Variants in RIT2 observed in about 807,000 individuals in gnomAD.
The protein encoded by RIT2 is Ras like without CAAX 2, also known as GTP-binding protein Rit2.
A neutral mutation model predicts 23.7 loss-of-function variants in RIT2; 24 were observed. The observed-to-expected ratio is 1.01, with a 90% CI of 0.73 to 1.43. The LOEUF is 1.43. RIT2 is among the 40% of genes most tolerant of loss of function. The pLI, the probability that RIT2 is intolerant of heterozygous loss-of-function variation, is 0.00. For missense variants in RIT2, 236 were observed against 266.9 expected (o/e 0.88, Z 0.81); for synonymous variants, 107 against 91.1 (o/e 1.17, Z -0.99).
At chr18:42,800,294 TA>T (rs1206549630) in intron 4 of RIT2, among the ~76,000 whole-genome samples, 5 of 152,192 alleles carry the variant, frequency 3.3e-5, no homozygotes, top group Non-Finnish European at 5.9e-5. Context: ...TGTTATTTTT[TA>T]AGATGATATT....
At chr18:42,806,446 G>A (rs1352252659) in intron 4 of RIT2, among the ~76,000 whole-genome samples, 1 of 151,966 alleles carries the variant, frequency 6.6e-6, no homozygotes, top group Non-Finnish European at 1.5e-5. Context: ...TCCACCCTGG[G>A]CAACAAGAGT....
At chr18:42,880,402 G>A (rs1907856566) in intron 4 of RIT2, among the ~76,000 whole-genome samples, 2 of 152,062 alleles carry the variant, frequency 1.3e-5, no homozygotes, top group South Asian at 4.2e-4. Context: ...CTTTAATGGG[G>A]TTTCAAGAGA....
At chr18:42,955,671 A>G (rs373078150) in intron 3 of RIT2, among the ~76,000 whole-genome samples, 15 of 152,218 alleles carry the variant, frequency 9.9e-5, no homozygotes, top group African/African-American at 3.4e-4. Flanking sequence ...CCTGATACTC[A>G]TGATGTTTTT....
At chr18:43,094,830 G>A (rs1391569368) in intron 1 of RIT2, among the ~76,000 whole-genome samples, 1 of 151,978 alleles carries the variant, frequency 6.6e-6, no homozygotes, top group Non-Finnish European at 1.5e-5. Flanking sequence ...CTGTCCTTGT[G>A]ATAGTTTGCT....
intron 3 of RIT2, among the ~76,000 whole-genome samples, chr18:42,939,325 G>T (rs1598723096): frequency 6.6e-6 from 1 of 152,004 alleles, no homozygotes; most frequent in Non-Finnish European, 1.5e-5. Context: ...ACCCCATAAG[G>T]TTGTTGCAAG....
intron 4 of RIT2, among the ~76,000 whole-genome samples, chr18:42,801,666 C>T (rs761075311): frequency 1.3e-5 from 2 of 152,186 alleles, no homozygotes; most frequent in African/African-American, 4.8e-5. Flanking sequence ...TAGAGGAAAT[C>T]ATACCAATAA....
intron 2 of RIT2, among the ~76,000 whole-genome samples, chr18:42,975,519 C>G (rs1321969390): frequency 6.6e-6 from 1 of 151,942 alleles, no homozygotes; most frequent in Non-Finnish European, 1.5e-5. Context: ...CAGCCAGGAC[C>G]AAGGTCAGTG....
intron 4 of RIT2, among the ~76,000 whole-genome samples, chr18:42,890,353 G>A (rs1908137420): frequency 1.3e-5 from 2 of 151,974 alleles, no homozygotes; most frequent in Admixed American, 1.3e-4. Context: ...CCAACAATGA[G>A]AATTTTAAAG....
At chr18:43,064,984 T>C (rs1015719808) in intron 1 of RIT2, among the ~76,000 whole-genome samples, 6 of 150,864 alleles carry the variant, frequency 4.0e-5, no homozygotes, top group Admixed American at 2.0e-4. Context: ...GCCCGGCTAA[T>C]TTTTCTATTT....
At chr18:43,082,545 C>T (rs1913182033) in intron 1 of RIT2, among the ~76,000 whole-genome samples, 1 of 152,032 alleles carries the variant, frequency 6.6e-6, no homozygotes, top group African/African-American at 2.4e-5. Context: ...CAAGTCAACG[C>T]CATCCCTGGG....
chr18:42,824,314 C>T (rs1906234982), intron 4 of RIT2, among the ~76,000 whole-genome samples: 2 of 152,020 alleles, frequency 1.3e-5, no homozygotes, highest in Non-Finnish European at 2.9e-5. Flanking sequence ...GTAACTGACA[C>T]AGTAAGTCAA....
chr18:42,968,827 T>C (rs1375060506), intron 3 of RIT2, among the ~76,000 whole-genome samples: 3 of 152,098 alleles, frequency 2.0e-5, no homozygotes, highest in Non-Finnish European at 4.4e-5. Context: ...CATTGTAAGA[T>C]TATAGTAACA....
In RIT2 at chr18:42,881,192, C is replaced by G. The variant is rs145722713; in HGVS notation, c.426+42380G>C. On this transcript the variant is annotated intron_variant, in intron 4 of 4. Coordinates refer to ENST00000326695, the MANE Select transcript of RIT2 (RefSeq NM_002930.4). ...TGTTAATGGTAACACAACCTACCCA[C>G]TAATTTGAAACAAACAAACAAACAA... Among the ~76,000 whole-genome samples, 1,042 of 152,280 alleles carry G rather than the reference C, an allele frequency of 6.8e-3. 6 individuals carry two copies. The highest frequency in any genetic ancestry group is 0.023 in the African/African-American group (970 of 41,564).
chr18:42,909,543 C>T (rs772251200), intron 4 of RIT2, among the ~76,000 whole-genome samples: 1 of 151,934 alleles, frequency 6.6e-6, no homozygotes, highest in Non-Finnish European at 1.5e-5. Context: ...TACAATAAAA[C>T]AATTTATTTT....
intron 4 of RIT2, among the ~76,000 whole-genome samples, chr18:42,848,727 T>C (rs1436515959): frequency 6.6e-6 from 1 of 152,142 alleles, no homozygotes; most frequent in Non-Finnish European, 1.5e-5. Context: ...GCAAGTCATT[T>C]ACAGAAAGCA....
chr18:42,773,008 C>T (rs1229803931), intron 4 of RIT2, among the ~76,000 whole-genome samples: 2 of 152,078 alleles, frequency 1.3e-5, no homozygotes, highest in Non-Finnish European at 2.9e-5. Context: ...GACAACTTAC[C>T]CTCCAATCAG....
chr18:42,985,578 T>C (rs1338232045), intron 2 of RIT2, among the ~76,000 whole-genome samples: 1 of 152,154 alleles, frequency 6.6e-6, no homozygotes, highest in Non-Finnish European at 1.5e-5. Flanking sequence ...AGAACCTACA[T>C]ACTTATGAAT....
intron 1 of RIT2, among the ~76,000 whole-genome samples, chr18:43,098,191 GAGA>G (rs1393717448): frequency 6.6e-6 from 1 of 151,946 alleles, no homozygotes; most frequent in Non-Finnish European, 1.5e-5. Context: ...TTTTCTGCAT[GAGA>G]AACTTGCAGT....
At position 42,923,653 on chromosome 18, in the gene RIT2, C is replaced by T. The variant is rs750689156; in HGVS notation, c.345G>A (p.Glu115=). The T allele has an allele frequency of 6.2e-7, 1 of 1,613,270 alleles. No homozygotes were observed. The highest frequency in any genetic ancestry group is 8.5e-7 in the Non-Finnish European group (1 of 1,179,660). Residue 115 remains glutamate, a synonymous_variant, in exon 4 of 5, where the codon GAG becomes GAA. Coordinates refer to ENST00000326695, the MANE Select transcript of RIT2 (RefSeq NM_002930.4). ...QSFQEAAKFK[E]LIFQVRHTYE... is the part of the protein sequence containing the mutation. ...AGGTGTGGCGGACCTGAAAAATGAG[C>T]TCTTTAAACTTGGCAGCCTCCTGAA...
Sources: allele counts gnomAD v4.1 joint callset (sites outside exome capture counted in the v4.1 genomes callset), GRCh38; gene constraint gnomAD v4.1.1; transcripts MANE v1.5; gene names NCBI Gene and HGNC (gene_info 2026-07-23, HGNC 2026-07-21).